The following MCTP2 variants were observed in gnomAD, a reference collection of about 807,000 sequenced individuals.
The protein encoded by MCTP2 is multiple C2 and transmembrane domain containing 2.
Under a neutral mutation model 111.6 loss-of-function variants are expected in MCTP2, and 132 were observed. The ratio of observed to expected loss-of-function variants is 1.18; its 90% confidence interval spans 1.03 to 1.37. The LOEUF is 1.37. Among genes scored for constraint, MCTP2 ranks in the 40% most tolerant of loss-of-function variants. The pLI, the probability that MCTP2 is intolerant of heterozygous loss-of-function variation, is 0.00. For missense variants in MCTP2, 1,183 were observed against 1,067.9 expected, an observed-to-expected ratio of 1.11 and a Z score of -1.50; for synonymous variants, 395 against 387.7, an observed-to-expected ratio of 1.02 and a Z score of -0.22.
At chr15:94,300,290 A>G (rs2075540357) in intron 2 of MCTP2, among the ~76,000 whole-genome samples, 1 of 151,828 alleles carries the variant, frequency 6.6e-6, no homozygotes, top group African/African-American at 2.4e-5. Context: ...GGTGGAGATC[A>G]CGAGGTCAGG....
intron 4 of MCTP2, among the ~76,000 whole-genome samples, chr15:94,332,027 TA>T (rs2077155378): frequency 1.3e-5 from 2 of 152,218 alleles, no homozygotes; most frequent in Non-Finnish European, 2.9e-5. Context: ...TTTTGGTGGA[TA>T]AAACCACTGG....
chr15:94,384,159 T>C, intron 13 of MCTP2, 35 bp downstream of exon 13: 1 of 1,462,806 alleles, frequency 6.8e-7, no homozygotes, highest in Non-Finnish European at 9.6e-7. Context: ...ATTTCTGCTG[T>C]GCTTGGAAGG....
intron 2 of MCTP2, among the ~76,000 whole-genome samples, chr15:94,305,139 T>C (rs294544): frequency 0.66 from 100,159 of 151,742 alleles, 34,464 homozygotes; most frequent in African/African-American, 0.86. Flanking sequence ...CTTTAGGAGG[T>C]GATTAAGGAT....
chr15:94,293,123 A>T (rs999652982), intron 1 of MCTP2, among the ~76,000 whole-genome samples: 1 of 152,180 alleles, frequency 6.6e-6, no homozygotes, highest in Admixed American at 6.5e-5. Context: ...AACATGGGAG[A>T]AAACCTTTGT....
At chr15:94,259,903 G>T (rs2152280339) in intron 1 of MCTP2, among the ~76,000 whole-genome samples, 1 of 152,286 alleles carries the variant, frequency 6.6e-6, no homozygotes, top group East Asian at 1.9e-4. Context: ...ATAGCAGATG[G>T]CTTAGTCTCA....
At chr15:94,239,118 G>C (rs545792127) in intron 1 of MCTP2, among the ~76,000 whole-genome samples, 1 of 151,906 alleles carries the variant, frequency 6.6e-6, no homozygotes, top group Admixed American at 6.6e-5. Flanking sequence ...TTTTTTTAAG[G>C]TGGTGGTTGG....
At chr15:94,451,959 G>T (rs938962805) in intron 19 of MCTP2, among the ~76,000 whole-genome samples, 1 of 152,126 alleles carries the variant, frequency 6.6e-6, no homozygotes, top group African/African-American at 2.4e-5. Flanking sequence ...TTACATATGT[G>T]ATAATATTTA....
chr15:94,390,725 C>CTGTTT (rs2080907449), intron 14 of MCTP2, among the ~76,000 whole-genome samples: 1 of 112,984 alleles, frequency 8.9e-6, no homozygotes, highest in African/African-American at 3.4e-5. Flanking sequence ...CTTTTCTTTT[C>CTGTTT]TTTTTTTTTT....
intron 14 of MCTP2, among the ~76,000 whole-genome samples, chr15:94,394,747 A>G (rs959048417): frequency 1.3e-5 from 2 of 152,182 alleles, no homozygotes; most frequent in East Asian, 3.8e-4. Flanking sequence ...CCTGGGCGAC[A>G]GGGTGAGACT....
rs200026265 is a variant in MCTP2, at chr15:94,260,586, CCT to C, written c.-66+28923_-66+28924del. ...GCCATTAAAGGTGATTCCATCTCTA[CCT>C]TGAAAAGACCGTTGCTCTGGTGGTG... On this transcript the variant is annotated intron_variant, in intron 1 of 22. Coordinates refer to ENST00000357742, the MANE Select transcript of MCTP2 (RefSeq NM_001385001.1). Among the ~76,000 whole-genome samples, 126 of 152,202 alleles carry C rather than the reference CCT, an allele frequency of 8.3e-4. 4 individuals are homozygous for C. The East Asian group carries it at 0.017, about 20-fold the overall frequency.
chr15:94,361,888 C>T (rs562337080), intron 10 of MCTP2, among the ~76,000 whole-genome samples: 1 of 152,262 alleles, frequency 6.6e-6, no homozygotes, highest in African/African-American at 2.4e-5. Flanking sequence ...GTAGAGAAAT[C>T]ACATTGGCAT....
chr15:94,364,253 G>C (rs11074268), intron 10 of MCTP2, among the ~76,000 whole-genome samples: 1 of 151,854 alleles, frequency 6.6e-6, no homozygotes, highest in African/African-American at 2.4e-5. Flanking sequence ...TACAAGGGCT[G>C]ATTTTAGTAG....
Position 94,479,393 on chromosome 15 carries a change from C to T in MCTP2, c.*359C>T, listed in dbSNP as rs1162522846. ...TCAAGAGTGACTTTGAACTTGTTTT[C>T]ACACCTCCAACAGACTCTCATTAAG... On this transcript the variant is annotated 3_prime_UTR_variant, in exon 23 of 23. Transcript: ENST00000357742. 5 of 286,474 alleles carry T rather than the reference C, an allele frequency of 1.7e-5. No homozygotes were observed. The highest frequency in any genetic ancestry group is 8.4e-5 in the African/African-American group (4 of 47,792). The allele number at this position is 286,474 out of a possible 1,614,324, so 17.7% of individuals were successfully genotyped here. A position where few individuals can be genotyped will look rare whatever the true frequency, so the allele number is the denominator to read the frequency against.
chr15:94,458,527 A>G (rs916539465), intron 20 of MCTP2, among the ~76,000 whole-genome samples: 10 of 152,220 alleles, frequency 6.6e-5, no homozygotes, highest in Non-Finnish European at 1.5e-4. Context: ...AGTTTGGGTG[A>G]CAAATGATAG....
rs7171790 is a variant in MCTP2, at chr15:94,467,422, T to A, written c.2361-2911T>A. On this transcript the variant is annotated intron_variant, in intron 20 of 22. Coordinates refer to ENST00000357742, the MANE Select transcript of MCTP2 (RefSeq NM_001385001.1). ...ATATAGTTGTTACTTACTTTTATTA[T>A]AATAATCAAATATGACCAATGGAAT... Among the ~76,000 whole-genome samples the A allele has an allele frequency of 2.8e-4, 42 of 151,880 alleles. 2 individuals are homozygous for A. In the South Asian group the frequency reaches 7.9e-3, roughly 29 times the overall value.
chr15:94,341,023 T>C, intron 7 of MCTP2, 99 bp downstream of exon 7: 1 of 760,724 alleles, frequency 1.3e-6, no homozygotes, highest in Non-Finnish European at 2.3e-6. Flanking sequence ...ACTGATGTTT[T>C]TGCAATTATT....
intron 17 of MCTP2, among the ~76,000 whole-genome samples, chr15:94,433,819 G>A (rs2083316102): frequency 6.6e-6 from 1 of 152,128 alleles, no homozygotes; most frequent in Non-Finnish European, 1.5e-5. Flanking sequence ...AGATTTCACA[G>A]TGGTTTTAAT....
At chr15:94,456,000 AATCT>A (rs2084813197) in intron 19 of MCTP2, among the ~76,000 whole-genome samples, 1 of 152,218 alleles carries the variant, frequency 6.6e-6, no homozygotes, top group African/African-American at 2.4e-5. Context: ...AATGCACAAA[AATCT>A]ATTTTTTATT....
At chr15:94,439,856 T>G (rs932797735) in intron 17 of MCTP2, among the ~76,000 whole-genome samples, 1 of 152,220 alleles carries the variant, frequency 6.6e-6, no homozygotes, top group Non-Finnish European at 1.5e-5. Context: ...TTGGCAAAAT[T>G]TGGTCTCTGG....
Sources: gnomAD v4.1 joint callset for allele counts (sites outside exome capture counted in the v4.1 genomes callset) on GRCh38, gnomAD v4.1.1 for gene constraint, MANE v1.5 for transcripts, NCBI Gene and HGNC (gene_info 2026-07-23, HGNC 2026-07-21) for gene names.